The following ONECUT1 variants were observed in gnomAD, a reference collection of about 807,000 sequenced individuals.
ONECUT1 encodes the protein hepatocyte nuclear factor 6.
ONECUT1 carries 12 observed loss-of-function variants against 25.6 expected under a neutral mutation model. The observed-to-expected ratio is 0.47, with a 90% CI of 0.30 to 0.76. ONECUT1 has a LOEUF of 0.76. ONECUT1 is among the 30% of genes least tolerant of loss of function. ONECUT1 has a pLI of 0.07. For missense variants in ONECUT1, 620 were observed against 651.2 expected, an observed-to-expected ratio of 0.95 and a Z score of 0.52; for synonymous variants, 285 against 270.2, an observed-to-expected ratio of 1.05 and a Z score of -0.54.
chr15:52,780,993 C>T (rs774303635), intron 1 of ONECUT1: 68 of 726,758 alleles, frequency 9.4e-5, no homozygotes, highest in Non-Finnish European at 1.2e-4. Context: ...CCTATATACT[C>T]TGTTTTGGTC....
At chr15:52,774,331 G>T (rs144000940) in intron 1 of ONECUT1, among the ~76,000 whole-genome samples, 1 of 139,296 alleles carries the variant, frequency 7.2e-6, no homozygotes, top group Non-Finnish European at 1.6e-5. Context: ...ACAGAGTTTC[G>T]CTCTTGTTGC....
rs190431054 is a variant in ONECUT1, at chr15:52,758,735, A to G, written c.1106-888T>C. ...TTGGCTGATGGAGTTATTCTAATGT[A>G]TCATCCCAATGGAGCCCTCAGACCC... On this transcript the variant is annotated intron_variant, in intron 1 of 1. Transcript: ENST00000305901. 1.1e-4 allele frequency among the ~76,000 whole-genome samples: 16 copies of G among 152,234 alleles called. No individual in the cohort carries two copies. The East Asian group carries it at 3.1e-3, about 29-fold the overall frequency.
chr15:52,782,899 G>A (rs535439199), intron 1 of ONECUT1, among the ~76,000 whole-genome samples: 2 of 152,332 alleles, frequency 1.3e-5, no homozygotes, highest in African/African-American at 2.4e-5. Flanking sequence ...TCAAGCTGAG[G>A]AGCAGGATAT....
At position 52,790,207 on chromosome 15, in the gene ONECUT1, C is replaced by T. The variant is rs2083911974; in HGVS notation, c.-323G>A. On this transcript the variant is annotated 5_prime_UTR_variant, in exon 1 of 2. Coordinates refer to ENST00000305901, the MANE Select transcript of ONECUT1 (RefSeq NM_004498.4). ...GCGCAGTGCCCCAGCCCGCCCGCCT[C>T]GGCCACCTCTCGCCCCTCTCTTTCT... 6.6e-6 allele frequency among the ~76,000 whole-genome samples: 1 copy of T among 151,316 alleles called. No individual in the cohort carries two copies. The highest frequency in any genetic ancestry group is 2.4e-5 in the African/African-American group (1 of 41,278).
chr15:52,787,482 CG>C (rs1263265836), intron 1 of ONECUT1, among the ~76,000 whole-genome samples: 4 of 152,090 alleles, frequency 2.6e-5, no homozygotes, highest in African/African-American at 4.8e-5. Context: ...TCAGTGCCCC[CG>C]GCTCAGAGCG....
At position 52,789,744 on chromosome 15, in the gene ONECUT1, G is replaced by T. The variant is rs763875233; in HGVS notation, c.141C>A (p.Pro47=). ...SVAHRGSHLP[P]AHPRSMGMAS... ...CCATGCCCATGGAGCGCGGGTGCGC[G>T]GGGGGCAGGTGGCTGCCGCGGTGCG... The change falls in exon 1 of 2, where the codon CCC becomes CCA. Residue 47 remains proline (P), a synonymous_variant. Transcript: ENST00000305901. The surrounding 1 kb of genome is among the most constrained non-coding windows in gnomAD (Gnocchi z 4.1). The T allele has an allele frequency of 1.2e-5, 17 of 1,410,944 alleles. No homozygotes were observed. The highest frequency in any genetic ancestry group is 1.6e-5 in the Non-Finnish European group (17 of 1,092,474). 87.4% of individuals were successfully genotyped at this position (1,410,944 alleles called of 1,614,324 possible).
chr15:52,789,734 G>A lies in ONECUT1; in HGVS notation c.151C>T (p.Arg51Cys). Residue 51 changes from arginine (R) to cysteine (C), a missense_variant, in exon 1 of 2, where the codon CGC (arginine) becomes TGC (cysteine). This residue lies in a region of ONECUT1 where 440 missense variants were observed against 404.9 expected (regional missense o/e 1.09). Transcript: ENST00000305901. The surrounding 1 kb of genome is among the most constrained non-coding windows in gnomAD (Gnocchi z 4.1). ...AGCAGGGACGCCATGCCCATGGAGC[G>A]CGGGTGCGCGGGGGGCAGGTGGCTG... ...RGSHLPPAHP[R>C]SMGMASLLDG... is the part of the protein sequence containing the mutation. 2.8e-6 allele frequency: 4 copies of A among 1,417,986 alleles called. No individual in the cohort carries two copies. Among genetic ancestry groups the A allele is most frequent in the South Asian group, 1.6e-5 (1 of 63,998 alleles). The allele number at this position is 1,417,986 out of a possible 1,614,324, so 87.8% of individuals were successfully genotyped here.
chr15:52,767,970 G>A (rs8033759), intron 1 of ONECUT1, among the ~76,000 whole-genome samples: 22,420 of 152,070 alleles, frequency 0.15, 1,817 homozygotes, highest in African/African-American at 0.21. Flanking sequence ...TCTCACTCAC[G>A]CGTAGGATCT....
chr15:52,790,017 GTC>G lies in ONECUT1; in HGVS notation c.-135_-134del, dbSNP rs112104300. 0.14 allele frequency: 149,484 copies of G among 1,047,542 alleles called. 2,945 individuals are homozygous for G. Among genetic ancestry groups the G allele is most frequent in the South Asian group, 0.18 (7,750 of 43,114 alleles). The allele number at this position is 1,047,542 out of a possible 1,614,324, so 64.9% of individuals were successfully genotyped here. A position where few individuals can be genotyped will look rare whatever the true frequency, so the allele number is the denominator to read the frequency against. ...TTCCTTCCTCTCACTGTGGGGCTCT[GTC>G]TCTCTCTCTCTCTCTCTCCGTGTGT... On this transcript the variant is annotated 5_prime_UTR_variant, in exon 1 of 2. Coordinates refer to ENST00000305901, the MANE Select transcript of ONECUT1 (RefSeq NM_004498.4).
chr15:52,782,178 T>A (rs2083845505), intron 1 of ONECUT1, among the ~76,000 whole-genome samples: 1 of 152,238 alleles, frequency 6.6e-6, no homozygotes, highest in Non-Finnish European at 1.5e-5. Flanking sequence ...CTATTAGCTA[T>A]TAAGAAAAGA....
chr15:52,783,155 C>T (rs2083851728), intron 1 of ONECUT1, among the ~76,000 whole-genome samples: 3 of 152,194 alleles, frequency 2.0e-5, no homozygotes, highest in Admixed American at 1.3e-4. Context: ...TTTTCCCCAG[C>T]GCGGATCAAA....
At chr15:52,762,560 C>T (rs28703296) in intron 1 of ONECUT1, among the ~76,000 whole-genome samples, 8,751 of 152,204 alleles carry the variant, frequency 0.057, 859 homozygotes, top group African/African-American at 0.2. Flanking sequence ...AAGTGAGATT[C>T]TCTTGGAGCA....
intron 1 of ONECUT1, among the ~76,000 whole-genome samples, chr15:52,766,854 C>A (rs995556473): frequency 6.6e-6 from 1 of 152,206 alleles, no homozygotes; most frequent in African/African-American, 2.4e-5. Context: ...ATCCTGCCAT[C>A]CCATAGTCTG....
intron 1 of ONECUT1, among the ~76,000 whole-genome samples, chr15:52,778,571 A>G (rs1157232577): frequency 6.6e-6 from 1 of 152,206 alleles, no homozygotes; most frequent in African/African-American, 2.4e-5. Context: ...AGAGTTCCTA[A>G]TGACCCATAT....
intron 1 of ONECUT1, among the ~76,000 whole-genome samples, chr15:52,758,776 G>A (rs1230377713): frequency 6.6e-6 from 1 of 152,092 alleles, no homozygotes; most frequent in Non-Finnish European, 1.5e-5. Context: ...TTTGGCGCCA[G>A]ATCAGGGTCT....
At position 52,777,697 on chromosome 15, in the gene ONECUT1, A is replaced by AACACAC. The variant is rs369734028; in HGVS notation, c.1105+11077_1105+11082dup. ...CACCTTAAACTCCTCCTTCCTGGAA[A>AACACAC]ACACACACACACACACACACACACA... is the stretch of plus-strand genomic sequence containing the variant. On this transcript the variant is annotated intron_variant, in intron 1 of 1. Coordinates refer to ENST00000305901, the MANE Select transcript of ONECUT1 (RefSeq NM_004498.4). Among the ~76,000 whole-genome samples the AACACAC allele has an allele frequency of 2.4e-3, 296 of 122,134 alleles. 14 individuals carry two copies. The highest frequency in any genetic ancestry group is 7.6e-3 in the South Asian group (26 of 3,428). 80.1% of individuals were successfully genotyped at this position (122,134 alleles called of 152,430 possible).
At chr15:52,759,702 C>T (rs1596044735) in intron 1 of ONECUT1, among the ~76,000 whole-genome samples, 1 of 152,074 alleles carries the variant, frequency 6.6e-6, no homozygotes, top group African/African-American at 2.4e-5. Flanking sequence ...TGGGCTCAAG[C>T]GATCCTCTCA....
chr15:52,778,175 C>T (rs1194225037), intron 1 of ONECUT1, among the ~76,000 whole-genome samples: 3 of 152,184 alleles, frequency 2.0e-5, no homozygotes, highest in African/African-American at 7.2e-5. Flanking sequence ...TATGAGTCCA[C>T]CACTCAATAA....
rs141886712 is a variant in ONECUT1 at position 52,788,952 on chromosome 15, T to C, written c.933A>G (p.Pro311=). The change falls in exon 1 of 2, where the codon CCA becomes CCG. Residue 311 remains proline, a synonymous_variant. Coordinates refer to ENST00000305901, the MANE Select transcript of ONECUT1 (RefSeq NM_004498.4). This position sits in a 1 kb window ranked among gnomAD's most constrained non-coding sequence, Gnocchi z 4.3. ...ITTELKRYSI[P]QAIFAQRVLC... is the part of the protein sequence containing the mutation. The stretch of plus-strand genomic sequence containing the variant: ...GCACCCTCTGCGCGAAGATGGCCTG[T>C]GGGATGCTGTAGCGCTTGAGCTCGG... 1.1e-4 allele frequency: 173 copies of C among 1,613,774 alleles called. No individual in the cohort carries two copies. In the African/African-American group the frequency reaches 2.2e-3, roughly 20 times the overall value.
Sources: allele counts gnomAD v4.1 joint callset (sites outside exome capture counted in the v4.1 genomes callset), GRCh38; gene constraint gnomAD v4.1.1; regional missense constraint gnomAD v4.1.1; non-coding constraint Gnocchi (gnomAD v3.1); transcripts MANE v1.5; gene names NCBI Gene and HGNC (gene_info 2026-07-23, HGNC 2026-07-21).